The following CNTNAP5 variants were observed in gnomAD, a reference collection of about 807,000 sequenced individuals.
CNTNAP5 encodes contactin-associated protein-like 5.
In CNTNAP5, 72 loss-of-function variants were observed where a neutral mutation model predicts 150.2. That is an observed-to-expected ratio of 0.48 (90% CI 0.40 to 0.58). The LOEUF (loss-of-function observed/expected upper bound fraction) is 0.58. Ranked by LOEUF, CNTNAP5 falls within the 20% of genes least tolerant of loss-of-function variation. CNTNAP5 has a pLI of 0.00. For synonymous variants in CNTNAP5, 672 were observed against 619.8 expected (o/e 1.08, Z -1.25); for missense variants, 1,636 against 1,626.2 (o/e 1.01, Z -0.10).
At chr2:124,067,235 G>A (rs1682183659) in intron 1 of CNTNAP5, among the ~76,000 whole-genome samples, 1 of 152,192 alleles carries the variant, frequency 6.6e-6, no homozygotes, top group Admixed American at 6.5e-5. Context: ...ATGGCTCAAA[G>A]CAGCAGAAAT....
At chr2:124,527,609 C>G (rs78423745) in intron 10 of CNTNAP5, among the ~76,000 whole-genome samples, 153 bp downstream of exon 10, 1,687 of 152,256 alleles carry the variant, frequency 0.011, 30 homozygotes, top group African/African-American at 0.037. Context: ...GAAAGGATTT[C>G]AGGCCCAGAG....
chr2:124,571,792 A>T (rs1696168300), intron 11 of CNTNAP5, among the ~76,000 whole-genome samples: 1 of 151,682 alleles, frequency 6.6e-6, no homozygotes, highest in Non-Finnish European at 1.5e-5. Context: ...TCAGCCTCCC[A>T]AAGTGCTGGG....
intron 3 of CNTNAP5, among the ~76,000 whole-genome samples, chr2:124,310,522 C>G (rs529244384): frequency 6.6e-6 from 1 of 152,058 alleles, no homozygotes; most frequent in Non-Finnish European, 1.5e-5. Context: ...CCCCCTTTCC[C>G]GTGCCCAAGC....
intron 17 of CNTNAP5, among the ~76,000 whole-genome samples, chr2:124,775,843 G>T (rs1197226806): frequency 6.6e-6 from 1 of 152,104 alleles, no homozygotes; most frequent in Non-Finnish European, 1.5e-5. Context: ...ATGCTCAATA[G>T]TACCGCCCCT....
chr2:124,240,204 T>G (rs535036316), intron 2 of CNTNAP5, among the ~76,000 whole-genome samples: 20 of 152,286 alleles, frequency 1.3e-4, no homozygotes, highest in Non-Finnish European at 2.1e-4. Flanking sequence ...CACAATGACT[T>G]AAACACAATA....
intron 3 of CNTNAP5, among the ~76,000 whole-genome samples, chr2:124,282,782 T>C (rs1240023211): frequency 6.6e-6 from 1 of 152,184 alleles, no homozygotes; most frequent in Non-Finnish European, 1.5e-5. Context: ...AGAACAGTTT[T>C]TCTAAAGTAG....
At chr2:124,845,971 A>G (rs1196765592) in intron 19 of CNTNAP5, among the ~76,000 whole-genome samples, 1 of 144,910 alleles carries the variant, frequency 6.9e-6, no homozygotes, top group Non-Finnish European at 1.5e-5. Context: ...GTATTTTGTC[A>G]TTTTTGTTGT....
chr2:124,741,045 G>A (rs1680487553), intron 13 of CNTNAP5, among the ~76,000 whole-genome samples: 1 of 152,152 alleles, frequency 6.6e-6, no homozygotes, highest in South Asian at 2.1e-4. Flanking sequence ...ACATGTATTT[G>A]CTCATCAGTG....
intron 11 of CNTNAP5, among the ~76,000 whole-genome samples, chr2:124,602,584 C>T (rs1697011032): frequency 1.3e-5 from 2 of 152,018 alleles, no homozygotes; most frequent in Non-Finnish European, 2.9e-5. Flanking sequence ...GGCTCAAACT[C>T]TTGGACTCAA....
chr2:124,293,754 C>T (rs1688356461), intron 3 of CNTNAP5, among the ~76,000 whole-genome samples: 1 of 152,002 alleles, frequency 6.6e-6, no homozygotes, highest in Non-Finnish European at 1.5e-5. Context: ...CCGAGATAAT[C>T]ACCATAATCC....
chr2:124,277,016 G>A (rs918564063), intron 3 of CNTNAP5, among the ~76,000 whole-genome samples: 2 of 152,152 alleles, frequency 1.3e-5, no homozygotes, highest in Admixed American at 1.3e-4. Context: ...AGATGGGGGA[G>A]GTGAATTTAA....
At chr2:124,272,778 T>C (rs1026836986) in intron 3 of CNTNAP5, among the ~76,000 whole-genome samples, 1 of 152,206 alleles carries the variant, frequency 6.6e-6, no homozygotes, top group South Asian at 2.1e-4. Context: ...TAAAAGTTCA[T>C]TAAATCATAT....
At chr2:124,724,242 T>A (rs1680109002) in intron 13 of CNTNAP5, among the ~76,000 whole-genome samples, 2 of 151,622 alleles carry the variant, frequency 1.3e-5, no homozygotes, top group African/African-American at 2.4e-5. Flanking sequence ...CACTTCAACA[T>A]TTTTTTTGTT....
At chr2:124,656,803 C>T (rs886136437) in intron 13 of CNTNAP5, among the ~76,000 whole-genome samples, 14 of 152,106 alleles carry the variant, frequency 9.2e-5, no homozygotes, top group Middle Eastern at 3.2e-3. Flanking sequence ...TCCTTTATCT[C>T]AAGGATAAAG....
chr2:124,147,759 A>G (rs1684290496), intron 1 of CNTNAP5, among the ~76,000 whole-genome samples: 1 of 152,090 alleles, frequency 6.6e-6, no homozygotes, highest in Non-Finnish European at 1.5e-5. Flanking sequence ...CTTCTCTCAG[A>G]GGGAACTCCT....
At chr2:124,661,237 CTT>C (rs1678584249) in intron 13 of CNTNAP5, among the ~76,000 whole-genome samples, 1 of 146,082 alleles carries the variant, frequency 6.8e-6, no homozygotes, top group Non-Finnish European at 1.5e-5. Context: ...CATTTTTACT[CTT>C]TTATAATAAC....
intron 1 of CNTNAP5, among the ~76,000 whole-genome samples, chr2:124,148,527 T>C (rs766082146): frequency 2.7e-5 from 4 of 146,664 alleles, no homozygotes; most frequent in Admixed American, 6.9e-5. Context: ...AATATATACA[T>C]ATTATATATA....
intron 1 of CNTNAP5, among the ~76,000 whole-genome samples, chr2:124,115,580 C>T (rs903535082): frequency 3.3e-5 from 5 of 150,834 alleles, no homozygotes; most frequent in South Asian, 4.2e-4. Context: ...GGGTGTAACA[C>T]GATGAAACTA....
At chr2:124,785,121 TG>T (rs1463883918) in intron 17 of CNTNAP5, among the ~76,000 whole-genome samples, 18 of 152,070 alleles carry the variant, frequency 1.2e-4, no homozygotes, top group African/African-American at 4.3e-4. Context: ...ACATGTTTTT[TG>T]TTCTTCTAAA....
Sources: gnomAD v4.1 joint callset for allele counts (sites outside exome capture counted in the v4.1 genomes callset) on GRCh38, gnomAD v4.1.1 for gene constraint, MANE v1.5 for transcripts, NCBI Gene and HGNC (gene_info 2026-07-23, HGNC 2026-07-21) for gene names.